Variants in FNBP1L observed in about 807,000 individuals in gnomAD.
FNBP1L encodes the protein formin-binding protein 1-like.
FNBP1L carries 36 observed loss-of-function variants against 91.2 expected under a neutral mutation model. The observed-to-expected ratio is 0.39, with a 90% CI of 0.30 to 0.52. FNBP1L has a LOEUF of 0.52. Ranked by LOEUF, FNBP1L falls within the 20% of genes least tolerant of loss-of-function variation. The pLI is 0.66. For synonymous variants in FNBP1L, 242 were observed against 237.0 expected (o/e 1.02, Z -0.19); for missense variants, 571 against 732.1 (o/e 0.78, Z 2.54).
At chr1:93,543,970 TTTTTTTTAAGG>T in intron 11 of FNBP1L, 126 bp from the exon 12 acceptor site, 1 of 526,070 alleles carries the variant, frequency 1.9e-6, no homozygotes, top group South Asian at 3.3e-5. Flanking sequence ...TAGATTTCTT[TTTTTTTTAAGG>T]GGTTGCTTGA....
chr1:93,458,869 A>G (rs1387095565), intron 1 of FNBP1L, among the ~76,000 whole-genome samples: 1 of 152,222 alleles, frequency 6.6e-6, no homozygotes, highest in Non-Finnish European at 1.5e-5. Flanking sequence ...TACTGTGCTT[A>G]ATTTATAAAT....
chr1:93,511,763 G>A (rs1424630094), intron 2 of FNBP1L, among the ~76,000 whole-genome samples: 3 of 152,008 alleles, frequency 2.0e-5, no homozygotes, highest in South Asian at 2.1e-4. Flanking sequence ...TCAGGAGATC[G>A]AGACCATCCC....
intron 1 of FNBP1L, among the ~76,000 whole-genome samples, chr1:93,476,416 T>G (rs1268229364): frequency 6.6e-6 from 1 of 152,204 alleles, no homozygotes; most frequent in Non-Finnish European, 1.5e-5. Flanking sequence ...AACACAGTGC[T>G]TGGCACTGGT....
chr1:93,459,965 G>GTT (rs1553207627), intron 1 of FNBP1L, among the ~76,000 whole-genome samples: 1 of 149,714 alleles, frequency 6.7e-6, no homozygotes, highest in African/African-American at 2.4e-5. Context: ...GTGTGTGTGT[G>GTT]TGTGTGTGTG....
At chr1:93,449,466 G>T (rs1009189620) in intron 1 of FNBP1L, among the ~76,000 whole-genome samples, 2 of 152,198 alleles carry the variant, frequency 1.3e-5, no homozygotes, top group Non-Finnish European at 2.9e-5. Flanking sequence ...GAGTATGTGT[G>T]TGCCCAGCTA....
intron 1 of FNBP1L, among the ~76,000 whole-genome samples, chr1:93,499,075 G>T (rs1421188261): frequency 6.6e-6 from 1 of 152,148 alleles, no homozygotes; most frequent in Non-Finnish European, 1.5e-5. Context: ...TATAGCAAAT[G>T]AATAAGATAG....
intron 16 of FNBP1L, chr1:93,552,099 T>G: frequency 9.0e-7 from 1 of 1,113,408 alleles, no homozygotes; most frequent in Non-Finnish European, 1.1e-6. Context: ...CGCTGAATCA[T>G]TAGTTATTAG....
intron 1 of FNBP1L, among the ~76,000 whole-genome samples, chr1:93,478,217 T>G (rs1241108788): frequency 1.3e-5 from 2 of 152,162 alleles, no homozygotes; most frequent in Admixed American, 1.3e-4. Flanking sequence ...TCTTTGGTGT[T>G]GGAAGCTGCG....
At chr1:93,548,388 A>T (rs963804475) in intron 14 of FNBP1L, among the ~76,000 whole-genome samples, 1 of 152,182 alleles carries the variant, frequency 6.6e-6, no homozygotes, top group Non-Finnish European at 1.5e-5. Flanking sequence ...TTTTTCTCTG[A>T]TTTAAAAAAT....
intron 16 of FNBP1L, 90 bp downstream of exon 16, chr1:93,551,195 G>A (rs1425551211): frequency 7.1e-7 from 1 of 1,400,530 alleles, no homozygotes; most frequent in Admixed American, 2.8e-5. Flanking sequence ...CATTCAACAG[G>A]TTGAAAAAAA....
intron 1 of FNBP1L, among the ~76,000 whole-genome samples, chr1:93,494,639 CAG>C (rs1217394261): frequency 2.0e-5 from 3 of 152,158 alleles, no homozygotes; most frequent in Admixed American, 2.0e-4. Context: ...CCCTGTGACT[CAG>C]GGAATAAGGG....
intron 2 of FNBP1L, among the ~76,000 whole-genome samples, chr1:93,500,566 A>T (rs979329494): frequency 6.7e-6 from 1 of 149,450 alleles, no homozygotes; most frequent in Non-Finnish European, 1.5e-5. Context: ...ATACTAGCAG[A>T]GGGTCTCCTT....
chr1:93,547,111 G>T lies in FNBP1L; in HGVS notation c.1407+137G>T, dbSNP rs921039608. 6.4e-6 allele frequency: 7 copies of T among 1,098,300 alleles called. No homozygotes were observed. In the African/African-American group the frequency reaches 9.7e-5, roughly 15 times the overall value. The allele number at this position is 1,098,300 out of a possible 1,614,324, so 68.0% of individuals were successfully genotyped here. A position where few individuals can be genotyped will look rare whatever the true frequency, so the allele number is the denominator to read the frequency against. On this transcript the variant is annotated intron_variant, in intron 13 of 16. Coordinates refer to ENST00000271234, the MANE Select transcript of FNBP1L (RefSeq NM_001164473.3). ...TATGATCTAAAAGTATTATTGTGAT[G>T]TGTGTTATTTAATCTCATTAAAGTT...
At chr1:93,530,988 A>C (rs1671658118) in intron 7 of FNBP1L, 105 bp downstream of exon 7, 1 of 908,710 alleles carries the variant, frequency 1.1e-6, no homozygotes, top group African/African-American at 1.7e-5. Context: ...ACTAGACATC[A>C]GGGTTGGGGT....
At chr1:93,512,872 C>T (rs1670912132) in intron 2 of FNBP1L, among the ~76,000 whole-genome samples, 3 of 151,888 alleles carry the variant, frequency 2.0e-5, no homozygotes, top group Non-Finnish European at 4.4e-5. Context: ...ACTAGAAAAG[C>T]AAGAGCAAAC....
At chr1:93,524,443 C>A in intron 5 of FNBP1L, 120 bp downstream of exon 5, 1 of 674,136 alleles carries the variant, frequency 1.5e-6, no homozygotes, top group Non-Finnish European at 2.2e-6. Flanking sequence ...AATAATTTGA[C>A]ATTGGTATTA....
intron 1 of FNBP1L, among the ~76,000 whole-genome samples, chr1:93,498,258 GTGT>G (rs931142029): frequency 2.0e-5 from 3 of 152,088 alleles, no homozygotes; most frequent in Admixed American, 1.3e-4. Flanking sequence ...CAGCTTTGAA[GTGT>G]TGTTGTTTTT....
chr1:93,501,166 A>G (rs1467451790), intron 2 of FNBP1L, among the ~76,000 whole-genome samples: 1 of 152,132 alleles, frequency 6.6e-6, no homozygotes, highest in African/African-American at 2.4e-5. Flanking sequence ...AGTTTTTCCA[A>G]TAGAAATGAG....
intron 1 of FNBP1L, among the ~76,000 whole-genome samples, chr1:93,485,807 C>A (rs769968583): frequency 1.3e-5 from 2 of 152,160 alleles, no homozygotes; most frequent in Admixed American, 1.3e-4. Context: ...AACGATTCTC[C>A]TGCCTTAGCC....
Sources: gnomAD v4.1 joint callset for allele counts (sites outside exome capture counted in the v4.1 genomes callset) on GRCh38, gnomAD v4.1.1 for gene constraint, MANE v1.5 for transcripts, NCBI Gene and HGNC (gene_info 2026-07-23, HGNC 2026-07-21) for gene names.